The following CDH13 variants were observed in gnomAD, a reference collection of about 807,000 sequenced individuals.
CDH13 encodes cadherin-13.
CDH13 carries 24 observed loss-of-function variants against 63.8 expected under a neutral mutation model. The observed-to-expected ratio is 0.38, with a 90% CI of 0.27 to 0.53. The LOEUF (loss-of-function observed/expected upper bound fraction) is 0.53. Ranked by LOEUF, CDH13 falls within the 20% of genes least tolerant of loss-of-function variation. The pLI is 0.85. For missense variants in CDH13, 1,049 were observed against 903.1 expected, an observed-to-expected ratio of 1.16 and a Z score of -2.07; for synonymous variants, 503 against 355.3, an observed-to-expected ratio of 1.42 and a Z score of -4.67.
intron 1 of CDH13, among the ~76,000 whole-genome samples, chr16:82,703,699 C>T (rs111614984): frequency 2.0e-5 from 3 of 152,270 alleles, no homozygotes; most frequent in South Asian, 2.1e-4. Flanking sequence ...CTATACTTCA[C>T]AAAAATGAGC....
At chr16:82,906,965 A>G (rs2041666442) in intron 2 of CDH13, among the ~76,000 whole-genome samples, 1 of 152,176 alleles carries the variant, frequency 6.6e-6, no homozygotes, top group African/African-American at 2.4e-5. Flanking sequence ...CACATCTGCA[A>G]AGGCCTTATT....
intron 2 of CDH13, among the ~76,000 whole-genome samples, chr16:82,994,691 A>G (rs1300206828): frequency 6.6e-6 from 1 of 152,218 alleles, no homozygotes; most frequent in Non-Finnish European, 1.5e-5. Flanking sequence ...AAATGAAACT[A>G]CCAATCTCCA....
At chr16:83,003,673 C>A (rs1431426014) in intron 2 of CDH13, among the ~76,000 whole-genome samples, 3 of 152,150 alleles carry the variant, frequency 2.0e-5, no homozygotes, top group Admixed American at 2.0e-4. Flanking sequence ...GGTGGATGAA[C>A]TAAAACTTAA....
chr16:83,184,403 C>G (rs1224214822), intron 4 of CDH13, among the ~76,000 whole-genome samples: 4 of 152,114 alleles, frequency 2.6e-5, no homozygotes, highest in African/African-American at 7.2e-5. Flanking sequence ...GAGAGGGAAG[C>G]AGAACCTCAG....
chr16:83,746,564 C>G lies in CDH13; in HGVS notation c.1539-1544C>G, dbSNP rs571711653. On this transcript the variant is annotated intron_variant, in intron 10 of 13. Transcript: ENST00000567109. ...ACTCGGGGTTAACTTGCTCCAAGCC[C>G]TTCAGTTGGAGATTTTCAATCCTGT... Among the ~76,000 whole-genome samples, 3 of 152,222 alleles carry G rather than the reference C, an allele frequency of 2.0e-5. No individual in the cohort carries two copies. The South Asian group carries it at 6.2e-4, about 32-fold the overall frequency.
intron 4 of CDH13, among the ~76,000 whole-genome samples, chr16:83,208,242 G>A (rs1241359219): frequency 6.6e-6 from 1 of 152,138 alleles, no homozygotes; most frequent in Non-Finnish European, 1.5e-5. Flanking sequence ...TTAGTTCCCT[G>A]GCTAATTTAT....
At chr16:83,292,906 G>A (rs549401936) in intron 5 of CDH13, among the ~76,000 whole-genome samples, 3 of 152,190 alleles carry the variant, frequency 2.0e-5, no homozygotes, top group Admixed American at 6.5e-5. Context: ...TCAGAAAACA[G>A]CATTTTACAA....
At chr16:83,043,830 CAA>C (rs11342221) in intron 3 of CDH13, among the ~76,000 whole-genome samples, 65 of 134,428 alleles carry the variant, frequency 4.8e-4, no homozygotes, top group East Asian at 1.1e-3. Flanking sequence ...GACTCTATCT[CAA>C]AAAAAAAAAA....
intron 1 of CDH13, among the ~76,000 whole-genome samples, chr16:82,691,744 A>T (rs556484990): frequency 4.7e-4 from 71 of 152,280 alleles, no homozygotes; most frequent in African/African-American, 1.5e-3. Flanking sequence ...TGAAGGGAGA[A>T]ATCAGGAAAG....
At chr16:83,045,556 G>A (rs986780511) in intron 3 of CDH13, among the ~76,000 whole-genome samples, 6 of 147,434 alleles carry the variant, frequency 4.1e-5, no homozygotes, top group Admixed American at 1.4e-4. Context: ...AGAATCGCTC[G>A]AACTCAGGAG....
At chr16:83,144,293 G>C (rs1424307877) in intron 4 of CDH13, among the ~76,000 whole-genome samples, 1 of 152,192 alleles carries the variant, frequency 6.6e-6, no homozygotes, top group Admixed American at 6.5e-5. Context: ...CTTCCAAATA[G>C]TTGAAGTTAC....
At chr16:83,718,708 C>A (rs769486317) in intron 10 of CDH13, among the ~76,000 whole-genome samples, 1 of 152,144 alleles carries the variant, frequency 6.6e-6, no homozygotes, top group Non-Finnish European at 1.5e-5. Context: ...TTGGTCTTAG[C>A]CAGCTTGGCC....
At chr16:83,560,542 C>T (rs1261606389) in intron 7 of CDH13, among the ~76,000 whole-genome samples, 1 of 152,136 alleles carries the variant, frequency 6.6e-6, no homozygotes, top group Admixed American at 6.5e-5. Flanking sequence ...TGGTATTAGA[C>T]AACAGTACAA....
At chr16:83,020,749 C>T (rs765401023) in intron 2 of CDH13, among the ~76,000 whole-genome samples, 1 of 152,194 alleles carries the variant, frequency 6.6e-6, no homozygotes, top group Admixed American at 6.5e-5. Context: ...AGAAGTAGTC[C>T]TCCTCAGAGG....
At chr16:83,487,636 A>G (rs946336983) in intron 7 of CDH13, among the ~76,000 whole-genome samples, 2 of 152,030 alleles carry the variant, frequency 1.3e-5, no homozygotes, top group Non-Finnish European at 2.9e-5. Context: ...TTCACTCTCC[A>G]TCCACCCTAA....
chr16:82,716,023 C>A (rs62036348), intron 1 of CDH13, among the ~76,000 whole-genome samples: 1 of 152,172 alleles, frequency 6.6e-6, no homozygotes, highest in Non-Finnish European at 1.5e-5. Flanking sequence ...TGCTGGCGCT[C>A]AGTTCTTTGG....
At chr16:83,643,895 G>A (rs149558163) in intron 8 of CDH13, among the ~76,000 whole-genome samples, 11 of 152,140 alleles carry the variant, frequency 7.2e-5, no homozygotes, top group Admixed American at 3.9e-4. Flanking sequence ...CACGCTTTAC[G>A]TACTACCCAG....
intron 11 of CDH13, among the ~76,000 whole-genome samples, chr16:83,766,647 C>G (rs1914408449): frequency 6.6e-6 from 1 of 152,220 alleles, no homozygotes; most frequent in Non-Finnish European, 1.5e-5. Flanking sequence ...CTTTCTAAGA[C>G]TTCTCAGAGC....
intron 1 of CDH13, among the ~76,000 whole-genome samples, chr16:82,764,337 G>C (rs762609909): frequency 6.6e-6 from 1 of 152,126 alleles, no homozygotes; most frequent in Non-Finnish European, 1.5e-5. Context: ...TACTAGAAAG[G>C]ATTCTCATTT....
Sources: gnomAD v4.1 joint callset for allele counts (sites outside exome capture counted in the v4.1 genomes callset) on GRCh38, gnomAD v4.1.1 for gene constraint, MANE v1.5 for transcripts, NCBI Gene and HGNC (gene_info 2026-07-23, HGNC 2026-07-21) for gene names.